UPF2: variants seen among roughly 807,000 people sequenced by gnomAD.
UPF2 encodes the protein UPF2 regulator of nonsense mediated mRNA decay.
A neutral mutation model predicts 141.4 loss-of-function variants in UPF2; 17 were observed. That is an observed-to-expected ratio of 0.12 (90% CI 0.08 to 0.18). The LOEUF (loss-of-function observed/expected upper bound fraction) is 0.18, where lower values mean the gene tolerates loss of function less well. Ranked by LOEUF, UPF2 falls within the 10% of genes least tolerant of loss-of-function variation. The probability of loss-of-function intolerance (pLI) is 1.00; values close to 1 mark genes in which losing one functional copy is unlikely to be tolerated. For synonymous variants in UPF2, 540 were observed against 498.0 expected (o/e 1.08, Z -1.12); for missense variants, 1,152 against 1,515.9 (o/e 0.76, Z 3.99).
At chr10:12,037,401 TC>T (rs1353937210) in intron 1 of UPF2, among the ~76,000 whole-genome samples, 26 of 131,262 alleles carry the variant, frequency 2.0e-4, no homozygotes, top group African/African-American at 8.1e-4. Flanking sequence ...TTTTTGTTTT[TC>T]TTTTTTTTTT....
chr10:12,040,295 G>A (rs1469451365), intron 1 of UPF2, among the ~76,000 whole-genome samples: 4 of 152,044 alleles, frequency 2.6e-5, no homozygotes, highest in South Asian at 2.1e-4. Context: ...GGCAGCACAC[G>A]CCTGTAGTCC....
chr10:11,926,937 C>T (rs187367031), intron 21 of UPF2, among the ~76,000 whole-genome samples: 1 of 152,164 alleles, frequency 6.6e-6, no homozygotes, highest in Non-Finnish European at 1.5e-5. Context: ...TTCACACGCA[C>T]GTCGATGACA....
rs942725804 is a variant in UPF2, at chr10:12,014,805, A to G, written c.1146-621T>C. Reference sequence around the variant, plus strand: ...TTCCATAATGATTTGAATCAAGATTATCTTTTGAAAAAGCCCACAATCTTC... The same window carrying G: ...TTCCATAATGATTTGAATCAAGATTGTCTTTTGAAAAAGCCCACAATCTTC... On this transcript the variant is annotated intron_variant, in intron 3 of 21. Transcript: ENST00000357604. This position sits in a 1 kb window ranked among gnomAD's most constrained non-coding sequence, Gnocchi z 5.0. 6.6e-5 allele frequency among the ~76,000 whole-genome samples: 10 copies of G among 152,220 alleles called. No individual in the cohort carries two copies. The highest frequency in any genetic ancestry group is 2.2e-4 in the African/African-American group (9 of 41,458).
chr10:12,000,969 G>A (rs1339730895), intron 6 of UPF2, among the ~76,000 whole-genome samples: 2 of 152,244 alleles, frequency 1.3e-5, no homozygotes, highest in Admixed American at 6.5e-5. Context: ...TTCCCACCTA[G>A]TAATCATTTC....
At chr10:12,012,729 G>A (rs1834151151) in intron 4 of UPF2, among the ~76,000 whole-genome samples, 3 of 151,668 alleles carry the variant, frequency 2.0e-5, no homozygotes, top group South Asian at 2.1e-4. Context: ...AACCTGGGAG[G>A]CGGAGCTTGC....
chr10:11,982,364 A>G (rs74116806), intron 8 of UPF2, among the ~76,000 whole-genome samples: 2,606 of 152,244 alleles, frequency 0.017, 76 homozygotes, highest in African/African-American at 0.059. Flanking sequence ...AGCAAACAGC[A>G]TCTCCATGAC....
At chr10:12,004,772 T>G in intron 4 of UPF2, 45 bp from the exon 5 acceptor site, 1 of 1,564,206 alleles carries the variant, frequency 6.4e-7, no homozygotes, top group Non-Finnish European at 8.7e-7. Context: ...CTTGAGGTTA[T>G]AGCATGATAA....
chr10:12,001,776 C>G lies in UPF2; in HGVS notation c.1554G>C (p.Leu518Phe). Residue 518 changes from leucine to phenylalanine, a missense_variant, in exon 6 of 22, where the codon TTG becomes TTC. Around this residue, in one of 4 missense-constraint regions of UPF2, gnomAD observed 739 missense variants for 1,032.2 expected, o/e 0.72. Coordinates refer to ENST00000357604, the MANE Select transcript of UPF2 (RefSeq NM_015542.4). ...TTTCTAGATTCTCCAACTCAAGTTC[C>G]AAATCATCGGGACTTGATACCTCCT... ...ENKEVSSPDD[L>F]ELELENLEIN... The G allele has an allele frequency of 6.2e-7, 1 of 1,612,226 alleles. No individual in the cohort carries two copies. The highest frequency in any genetic ancestry group is 8.5e-7 in the Non-Finnish European group (1 of 1,179,232).
At position 12,014,070 on chromosome 10, in the gene UPF2, C is replaced by T. The variant is rs1231039857; in HGVS notation, c.1260G>A (p.Leu420=). 1 of 1,591,382 alleles carries T rather than the reference C, an allele frequency of 6.3e-7. No individual in the cohort carries two copies. Among genetic ancestry groups the T allele is most frequent in the African/African-American group, 1.4e-5 (1 of 74,058 alleles). Residue 420 remains leucine, a synonymous_variant, in exon 4 of 22, where the codon TTG becomes TTA. Transcript: ENST00000357604. The surrounding 1 kb of genome is among the most constrained non-coding windows in gnomAD (Gnocchi z 5.0). ...LANSQSLADL[L]DENMPDLPQD... is the part of the protein sequence containing the mutation. ...GAGGAAGATCTGGCATATTTTCATC[C>T]AAAAGGTCTGCTAAGGATTGAGAAT... is the stretch of plus-strand genomic sequence containing the variant.
At position 11,931,768 on chromosome 10, in the gene UPF2, A is replaced by T. The variant is rs375804183; in HGVS notation, c.3561T>A (p.Asn1187Lys). 2.5e-5 allele frequency: 40 copies of T among 1,603,236 alleles called. No homozygotes were observed. Among genetic ancestry groups the T allele is most frequent in the Non-Finnish European group, 3.3e-5 (39 of 1,177,694 alleles). The change falls in exon 20 of 22, where the codon AAT (asparagine) becomes AAA (lysine). Residue 1187 changes from asparagine (N) to lysine (K), a missense_variant. This residue lies in a region of UPF2 where 66 missense variants were observed against 123.5 expected (regional missense o/e 0.53). Coordinates refer to ENST00000357604, the MANE Select transcript of UPF2 (RefSeq NM_015542.4). This position sits in a 1 kb window ranked among gnomAD's most constrained non-coding sequence, Gnocchi z 5.9. ...CAGCAAGTTGAGAGGACATGGGTAC[A>T]TTAAGGATCTTAAACTGGGAGAAAA... ...KGNKQQFKILNVPMSSQLAAN... is the reference protein window; with the variant it reads ...KGNKQQFKILKVPMSSQLAAN...
At chr10:12,000,231 T>C (rs1256263892) in intron 6 of UPF2, among the ~76,000 whole-genome samples, 2 of 152,198 alleles carry the variant, frequency 1.3e-5, no homozygotes, top group African/African-American at 4.8e-5. Flanking sequence ...AAAGTCAAAC[T>C]TTTTGCATTA....
intron 11 of UPF2, among the ~76,000 whole-genome samples, chr10:11,962,297 G>C (rs1469644797): frequency 6.6e-6 from 1 of 152,154 alleles, no homozygotes; most frequent in Admixed American, 6.5e-5. Flanking sequence ...ATACATTTTA[G>C]ATGATCCCAT....
rs1421253857 is a variant in UPF2, at chr10:11,998,825, G to A, written c.1759-1068C>T. Reference sequence around the variant, plus strand: ...GCCGAGAACATGCCACTGCACTCCAGCCTGGGCAACAGAGCAAGACTCCGT... The same window carrying A: ...GCCGAGAACATGCCACTGCACTCCAACCTGGGCAACAGAGCAAGACTCCGT... On this transcript the variant is annotated intron_variant, in intron 7 of 21. Coordinates refer to ENST00000357604, the MANE Select transcript of UPF2 (RefSeq NM_015542.4). This position sits in a 1 kb window ranked among gnomAD's most constrained non-coding sequence, Gnocchi z 4.5. 2.0e-5 allele frequency among the ~76,000 whole-genome samples: 3 copies of A among 152,044 alleles called. No individual in the cohort carries two copies. The highest frequency in any genetic ancestry group is 2.0e-4 in the Admixed American group (3 of 15,266).
intron 21 of UPF2, among the ~76,000 whole-genome samples, chr10:11,927,441 T>C (rs918022443): frequency 1.3e-5 from 2 of 152,202 alleles, no homozygotes; most frequent in African/African-American, 4.8e-5. Flanking sequence ...GAAATACAAA[T>C]ATTCTAACAG....
chr10:11,988,675 G>A (rs879459717), intron 8 of UPF2, among the ~76,000 whole-genome samples: 1 of 152,166 alleles, frequency 6.6e-6, no homozygotes, highest in Non-Finnish European at 1.5e-5. Context: ...GACGAGGCCA[G>A]GATGCCAAAA....
intron 10 of UPF2, among the ~76,000 whole-genome samples, chr10:11,966,288 T>C (rs1372730962): frequency 6.6e-6 from 1 of 152,246 alleles, no homozygotes; most frequent in African/African-American, 2.4e-5. Context: ...TGACTATGAT[T>C]GTAAGATATT....
At chr10:11,942,314 A>G (rs1409592664) in intron 18 of UPF2, among the ~76,000 whole-genome samples, 1 of 152,212 alleles carries the variant, frequency 6.6e-6, no homozygotes, top group Non-Finnish European at 1.5e-5. Context: ...CAGAGGTTGC[A>G]GTGAGCTGAG....
chr10:11,960,070 C>T (rs527665632), intron 11 of UPF2, among the ~76,000 whole-genome samples: 31 of 152,208 alleles, frequency 2.0e-4, no homozygotes, highest in African/African-American at 7.0e-4. Context: ...ACTGACATTT[C>T]GAATTGGATA....
intron 15 of UPF2, among the ~76,000 whole-genome samples, chr10:11,949,908 C>T (rs1833051836): frequency 6.6e-6 from 1 of 152,062 alleles, no homozygotes; most frequent in African/African-American, 2.4e-5. Context: ...AAGAGTGAAA[C>T]AGCTGTATTA....
Sources: allele counts gnomAD v4.1 joint callset (sites outside exome capture counted in the v4.1 genomes callset), GRCh38; gene constraint gnomAD v4.1.1; regional missense constraint gnomAD v4.1.1; non-coding constraint Gnocchi (gnomAD v3.1); transcripts MANE v1.5; gene names NCBI Gene and HGNC (gene_info 2026-07-23, HGNC 2026-07-21).